ZFHX3: variants seen among roughly 807,000 people sequenced by gnomAD.
ZFHX3 encodes zinc finger homeobox protein 3.
Under a neutral mutation model 279.1 loss-of-function variants are expected in ZFHX3, and 42 were observed. That is an observed-to-expected ratio of 0.15 (90% CI 0.12 to 0.19). The LOEUF (loss-of-function observed/expected upper bound fraction) is 0.19, where lower values mean the gene tolerates loss of function less well. Among genes scored for constraint, ZFHX3 ranks in the 10% least tolerant of loss-of-function variants. ZFHX3 has a pLI of 1.00. For missense variants in ZFHX3, 4,981 were observed against 4,754.0 expected (o/e 1.05, Z -1.40); for synonymous variants, 2,293 against 1,957.8 (o/e 1.17, Z -4.52).
chr16:72,812,712 G>A (rs1485050282), intron 5 of ZFHX3, among the ~76,000 whole-genome samples: 1 of 152,074 alleles, frequency 6.6e-6, no homozygotes, highest in African/African-American at 2.4e-5. Flanking sequence ...ATTCAGAGTG[G>A]GTGGGAATAG....
intron 1 of ZFHX3, among the ~76,000 whole-genome samples, chr16:73,800,558 C>A (rs1960116504): frequency 6.6e-6 from 1 of 151,998 alleles, no homozygotes; most frequent in South Asian, 2.1e-4. Flanking sequence ...CTTCTTCCTC[C>A]TCCTCCTCCT....
intron 3 of ZFHX3, among the ~76,000 whole-genome samples, chr16:72,927,358 C>T (rs1267992605): frequency 6.6e-6 from 1 of 152,184 alleles, no homozygotes; most frequent in Non-Finnish European, 1.5e-5. Context: ...TAACAATCCT[C>T]CCGATTCATT....
chr16:72,941,383 C>G (rs1320953097), intron 3 of ZFHX3, among the ~76,000 whole-genome samples: 1 of 152,170 alleles, frequency 6.6e-6, no homozygotes, highest in Admixed American at 6.5e-5. Context: ...AACAAGGAAG[C>G]CACATAGCTC....
chr16:73,877,148 G>A (rs1567437546), intron 1 of ZFHX3, among the ~76,000 whole-genome samples: 1 of 143,730 alleles, frequency 7.0e-6, no homozygotes, highest in Non-Finnish European at 1.5e-5. Context: ...AAGCATGTAT[G>A]GTGCATCAAG....
At chr16:73,193,764 A>G (rs1332030572) in intron 5 of ZFHX3, among the ~76,000 whole-genome samples, 2 of 152,068 alleles carry the variant, frequency 1.3e-5, no homozygotes, top group Non-Finnish European at 2.9e-5. Flanking sequence ...TTTCCCTCCT[A>G]TGTCCTTGGG....
At chr16:73,145,275 C>T (rs1966858086) in intron 5 of ZFHX3, among the ~76,000 whole-genome samples, 1 of 152,210 alleles carries the variant, frequency 6.6e-6, no homozygotes, top group African/African-American at 2.4e-5. Context: ...GTCGGGCCAC[C>T]TCACATGATC....
rs913759815 is a variant in ZFHX3 at position 73,732,004 on chromosome 16, G to C, written c.-1607-51764C>G. ...TATGAACCCTACTTGGGGATTTCAG[G>C]CTTTGGCATGTTTTTATTTGTAGCA... On this transcript the variant is annotated intron_variant, in intron 1 of 17. Transcript: ENST00000641206. Among the ~76,000 whole-genome samples the C allele has an allele frequency of 3.1e-4, 47 of 152,138 alleles. 1 individual carries two copies. Among genetic ancestry groups the C allele is most frequent in the Non-Finnish European group, 1.2e-4 (8 of 68,010 alleles).
intron 1 of ZFHX3, among the ~76,000 whole-genome samples, chr16:73,770,771 G>T (rs1218230402): frequency 6.6e-6 from 1 of 152,198 alleles, no homozygotes; most frequent in Non-Finnish European, 1.5e-5. Context: ...CTTTGAAGAT[G>T]ATCATGCTTG....
At chr16:73,361,029 A>T (rs904261858) in intron 3 of ZFHX3, among the ~76,000 whole-genome samples, 3 of 152,244 alleles carry the variant, frequency 2.0e-5, no homozygotes, top group Non-Finnish European at 4.4e-5. Flanking sequence ...AAATGGGGGC[A>T]CTTTTGGCAT....
chr16:72,793,875 T>G lies in ZFHX3; in HGVS notation c.8807A>C (p.Lys2936Thr), dbSNP rs1057249065. 3.1e-6 allele frequency: 5 copies of G among 1,614,184 alleles called. No homozygotes were observed. The South Asian group carries it at 3.3e-5, about 11-fold the overall frequency. The change falls in exon 9 of 10, where the codon AAA (lysine) becomes ACA (threonine). Residue 2936 changes from lysine (K) to threonine (T), a missense_variant. Lys to Thr is a moderately conservative substitution (Grantham distance 78). Around this residue, in one of 7 missense-constraint regions of ZFHX3, gnomAD observed 168 missense variants for 249.1 expected, o/e 0.67. Transcript: ENST00000268489. The surrounding 1 kb of genome is among the most constrained non-coding windows in gnomAD (Gnocchi z 4.3). Reference protein sequence around the residue: ...PSPGASGSAGKSGDSGDRPGQ... With the variant: ...PSPGASGSAGTSGDSGDRPGQ... ...AGGCCGATCTCCGCTGTCACCAGAT[T>G]TGCCTGCAGATCCACTCGCACCAGG...
intron 1 of ZFHX3, among the ~76,000 whole-genome samples, chr16:73,884,014 C>G (rs1467742948): frequency 6.6e-6 from 1 of 152,054 alleles, no homozygotes; most frequent in East Asian, 1.9e-4. Flanking sequence ...TAAACTGTAC[C>G]AGGCTGTCAC....
chr16:73,874,968 T>C (rs2029901123), intron 1 of ZFHX3, among the ~76,000 whole-genome samples: 1 of 152,180 alleles, frequency 6.6e-6, no homozygotes, highest in Non-Finnish European at 1.5e-5. Context: ...ACAGAGGCAG[T>C]TGTATATTCA....
chr16:73,547,813 A>G (rs2020146138), intron 2 of ZFHX3, among the ~76,000 whole-genome samples: 2 of 152,136 alleles, frequency 1.3e-5, no homozygotes, highest in Non-Finnish European at 2.9e-5. Context: ...CTTCCAAACC[A>G]TATTCTTGTA....
At chr16:72,890,107 G>A (rs2038733574) in intron 3 of ZFHX3, 145 bp from the exon 4 acceptor site, 1 of 708,722 alleles carries the variant, frequency 1.4e-6, no homozygotes, top group Non-Finnish European at 2.3e-6. Flanking sequence ...CTTTGATATG[G>A]TTTGGCTGTG....
intron 2 of ZFHX3, among the ~76,000 whole-genome samples, chr16:73,520,563 C>A (rs1432335214): frequency 6.6e-6 from 1 of 152,186 alleles, no homozygotes; most frequent in Non-Finnish European, 1.5e-5. Context: ...AATTCTCCAT[C>A]TGGCTCTCTC....
At chr16:72,864,019 A>C (rs1381731809) in intron 4 of ZFHX3, among the ~76,000 whole-genome samples, 5 of 152,028 alleles carry the variant, frequency 3.3e-5, no homozygotes. Context: ...TGGGAGGCTG[A>C]GGCAGGAGAA....
At chr16:73,508,544 G>T (rs983440557) in intron 2 of ZFHX3, among the ~76,000 whole-genome samples, 2 of 152,224 alleles carry the variant, frequency 1.3e-5, no homozygotes, top group Non-Finnish European at 2.9e-5. Flanking sequence ...GAGGAGCAGA[G>T]CATGAAAACA....
chr16:72,877,258 A>G (rs896368029), intron 4 of ZFHX3, among the ~76,000 whole-genome samples: 3 of 152,236 alleles, frequency 2.0e-5, no homozygotes, highest in South Asian at 2.1e-4. Flanking sequence ...TATGGAAATC[A>G]GAAGTAGGTC....
At chr16:73,746,242 T>A (rs938684891) in intron 1 of ZFHX3, among the ~76,000 whole-genome samples, 2 of 152,146 alleles carry the variant, frequency 1.3e-5, no homozygotes, top group African/African-American at 4.8e-5. Context: ...GAGCACTATG[T>A]TACTCTTACC....
Sources: allele counts gnomAD v4.1 joint callset (sites outside exome capture counted in the v4.1 genomes callset), GRCh38; gene constraint gnomAD v4.1.1; regional missense constraint gnomAD v4.1.1; non-coding constraint Gnocchi (gnomAD v3.1); transcripts MANE v1.5; gene names NCBI Gene and HGNC (gene_info 2026-07-23, HGNC 2026-07-21).